Variants in MANEAL observed in about 807,000 individuals in gnomAD.
The protein encoded by MANEAL is glycoprotein endo-alpha-1,2-mannosidase-like protein.
In MANEAL, 28 loss-of-function variants were observed where a neutral mutation model predicts 35.9. The observed-to-expected ratio is 0.78, with a 90% CI of 0.58 to 1.07. MANEAL has a LOEUF of 1.07. MANEAL is among the 50% of genes least tolerant of loss of function. The pLI is 0.00. For synonymous variants in MANEAL, 286 were observed against 272.2 expected (o/e 1.05, Z -0.50); for missense variants, 576 against 629.6 (o/e 0.91, Z 0.91).
chr1:37,796,636 C>T (rs900980577), intron 2 of MANEAL, 108 bp from the exon 3 acceptor site: 6 of 1,070,428 alleles, frequency 5.6e-6, no homozygotes, highest in South Asian at 4.5e-5. Flanking sequence ...CTGCCAGGCC[C>T]TCTTCTGAAC....
Position 37,794,357 on chromosome 1 carries a change from G to A in MANEAL, c.175G>A (p.Ala59Thr), listed in dbSNP as rs1646624526. 14 of 1,068,146 alleles carry A rather than the reference G, an allele frequency of 1.3e-5. No homozygotes were observed. Among genetic ancestry groups the A allele is most frequent in the Non-Finnish European group, 1.6e-5 (14 of 883,680 alleles). The allele number at this position is 1,068,146 out of a possible 1,614,324, so 66.2% of individuals were successfully genotyped here. ...RRPEGAPAPA[A>T]RAPAAPAAPP... is the part of the protein sequence containing the mutation. ...CCCAGAGGGGGCCCCCGCGCCCGCT[G>A]CCAGGGCCCCGGCAGCCCCTGCCGC... The change falls in exon 1 of 4, where the codon GCC becomes ACC. Residue 59 changes from alanine (A) to threonine (T), a missense_variant. Physicochemically the swap from Ala to Thr is moderately conservative, Grantham distance 58. Coordinates refer to ENST00000373045, the MANE Select transcript of MANEAL (RefSeq NM_001113482.2). The surrounding 1 kb of genome is among the most constrained non-coding windows in gnomAD (Gnocchi z 5.7).
Position 37,796,764 on chromosome 1 carries a change from C to G in MANEAL, c.681C>G (p.Pro227=). 6.2e-7 allele frequency: 1 copy of G among 1,603,240 alleles called. No homozygotes were observed. The highest frequency in any genetic ancestry group is 8.5e-7 in the Non-Finnish European group (1 of 1,175,194). The change falls in exon 3 of 4, where the codon CCC becomes CCG. Residue 227 remains proline, a synonymous_variant. Coordinates refer to ENST00000373045, the MANE Select transcript of MANEAL (RefSeq NM_001113482.2). The part of the protein sequence containing the change: ...YSIQVAFHIQ[P]YKGRDDITVH... ...GGCAGGTGGCCTTCCACATCCAACC[C>G]TACAAGGGCCGGGATGACATCACTG... is the stretch of plus-strand genomic sequence containing the variant.
rs1414490641 is a variant in MANEAL at position 37,794,622 on chromosome 1, G to GC, written c.446dup (p.Asp150ArgfsTer48). On this transcript the variant is annotated frameshift_variant, in exon 1 of 4. Coordinates refer to ENST00000373045, the MANE Select transcript of MANEAL (RefSeq NM_001113482.2). LOFTEE classifies it high-confidence loss of function. The surrounding 1 kb of genome is among the most constrained non-coding windows in gnomAD (Gnocchi z 5.7). ...GCCAGCTACCCCCGCGGCCGCCACA[G>GC]CCCCCCAGACGACTTGGGCTCCAGC... 2.5e-6 allele frequency: 4 copies of GC among 1,610,976 alleles called. No homozygotes were observed. The highest frequency in any genetic ancestry group is 1.3e-5 in the African/African-American group (1 of 74,870).
Position 37,799,722 on chromosome 1 carries a change from A to G in MANEAL, c.893A>G (p.Asp298Gly), listed in dbSNP as rs755894457. 4.3e-6 allele frequency: 7 copies of G among 1,614,172 alleles called. No individual in the cohort carries two copies. The highest frequency in any genetic ancestry group is 5.9e-6 in the Non-Finnish European group (7 of 1,180,036). Residue 298 changes from aspartate to glycine, a missense_variant, in exon 4 of 4, where the codon GAT becomes GGT. Transcript: ENST00000373045. The surrounding 1 kb of genome is among the most constrained non-coding windows in gnomAD (Gnocchi z 4.1). ...GPHSIRNTPY[D>G]GVFIALLVEE... ...CATTCGATCCGCAACACGCCCTACG[A>G]TGGGGTCTTCATAGCGCTGCTGGTG...
intron 3 of MANEAL, among the ~76,000 whole-genome samples, chr1:37,798,619 G>T (rs896963043): frequency 3.9e-5 from 6 of 152,044 alleles, no homozygotes; most frequent in African/African-American, 7.3e-5. Flanking sequence ...TATTGTCCCA[G>T]CTATTTGGGG....
Position 37,794,216 on chromosome 1 carries a change from C to T in MANEAL, c.34C>T (p.Leu12=), listed in dbSNP as rs1248706977. 3 of 1,316,678 alleles carry T rather than the reference C, an allele frequency of 2.3e-6. No individual in the cohort carries two copies. The highest frequency in any genetic ancestry group is 4.0e-5 in the East Asian group (1 of 24,826). 81.6% of individuals were successfully genotyped at this position (1,316,678 alleles called of 1,614,324 possible). A position where few individuals can be genotyped will look rare whatever the true frequency, so the allele number is the denominator to read the frequency against. ...GCGGCGGCGCCGCGCCTGCATCGCTCTGTTCCTGGTGCTGCTCTTCGCCTT... is the reference window on the plus strand; with the variant it reads ...GCGGCGGCGCCGCGCCTGCATCGCTTTGTTCCTGGTGCTGCTCTTCGCCTT... ...ARRRRRACIA[L]FLVLLFAFGT... The change falls in exon 1 of 4, where the codon CTG becomes TTG. Residue 12 remains leucine, a synonymous_variant. Coordinates refer to ENST00000373045, the MANE Select transcript of MANEAL (RefSeq NM_001113482.2). The surrounding 1 kb of genome is among the most constrained non-coding windows in gnomAD (Gnocchi z 5.7).
Position 37,794,437 on chromosome 1 carries a change from G to A in MANEAL, c.255G>A (p.Gly85=). The A allele has an allele frequency of 1.3e-6, 2 of 1,513,298 alleles. No homozygotes were observed. The highest frequency in any genetic ancestry group is 1.8e-6 in the Non-Finnish European group (2 of 1,127,296). The allele number at this position is 1,513,298 out of a possible 1,614,324, so 93.7% of individuals were successfully genotyped here. A position where few individuals can be genotyped will look rare whatever the true frequency, so the allele number is the denominator to read the frequency against. ...CCGCGGACCCTGGCGGCTCCCCTGG[G>A]CCGGCACCCGCGGAGGCCGAGCCCG... ...PRTADPGGSP[G]PAPAEAEPAP... is the part of the protein sequence containing the mutation. Residue 85 remains glycine (G), a synonymous_variant, in exon 1 of 4, where the codon GGG becomes GGA. Coordinates refer to ENST00000373045, the MANE Select transcript of MANEAL (RefSeq NM_001113482.2). This position sits in a 1 kb window ranked among gnomAD's most constrained non-coding sequence, Gnocchi z 5.7.
Position 37,794,696 on chromosome 1 carries a change from C to A in MANEAL, c.514C>A (p.Arg172=), listed in dbSNP as rs756256610. ...CAGCTCCCGGGACCCCGAAGTGCTG[C>A]GGGAGCATATGACCCAGCTCAAGGA... is the stretch of plus-strand genomic sequence containing the variant. The part of the protein sequence containing the change: ...PYSSRDPEVL[R]EHMTQLKEAA... Residue 172 remains arginine, a synonymous_variant, in exon 1 of 4, where the codon CGG becomes AGG. Transcript: ENST00000373045. This position sits in a 1 kb window ranked among gnomAD's most constrained non-coding sequence, Gnocchi z 5.7. 2.5e-6 allele frequency: 4 copies of A among 1,603,966 alleles called. No homozygotes were observed. The highest frequency in any genetic ancestry group is 1.3e-5 in the African/African-American group (1 of 74,700).
rs1486726181 is a variant in MANEAL, at chr1:37,801,118, G to C, written c.*915G>C. On this transcript the variant is annotated 3_prime_UTR_variant, in exon 4 of 4. Transcript: ENST00000373045. ...ACTGTGATTAGTAGTAATTAAATAT[G>C]AACTGGTATTCTCAAGTAAGCATTC... is the stretch of plus-strand genomic sequence containing the variant. 2 of 152,656 alleles carry C rather than the reference G, an allele frequency of 1.3e-5. No homozygotes were observed. The highest frequency in any genetic ancestry group is 1.9e-4 in the East Asian group (1 of 5,202). 9.5% of individuals were successfully genotyped at this position (152,656 alleles called of 1,614,324 possible). A position where few individuals can be genotyped will look rare whatever the true frequency, so the allele number is the denominator to read the frequency against.
At position 37,800,147 on chromosome 1, in the gene MANEAL, C is replaced by A. The variant is rs1361182434; in HGVS notation, c.1318C>A (p.Leu440Met). 6.2e-7 allele frequency: 1 copy of A among 1,613,956 alleles called. No homozygotes were observed. Among genetic ancestry groups the A allele is most frequent in the Admixed American group, 1.7e-5 (1 of 60,030 alleles). Residue 440 changes from leucine to methionine, a missense_variant, in exon 4 of 4, where the codon CTG (leucine) becomes ATG (methionine). Coordinates refer to ENST00000373045, the MANE Select transcript of MANEAL (RefSeq NM_001113482.2). ...TCACCAGCCCAGCCTGTACCTGGAG[C>A]TGACACGCCGCTGGGCGGAGCACTT... Reference protein sequence around the residue: ...LPHQPSLYLELTRRWAEHFIK... With the variant: ...LPHQPSLYLEMTRRWAEHFIK...
rs538733040 is a variant in MANEAL at position 37,801,038 on chromosome 1, C to T, written c.*835C>T. ...GAGAGGACTAGGAGGAAATCCCCCT[C>T]CCTTTAGCTGCCTGAACTGACTGAG... On this transcript the variant is annotated 3_prime_UTR_variant, in exon 4 of 4. Coordinates refer to ENST00000373045, the MANE Select transcript of MANEAL (RefSeq NM_001113482.2). 6.8e-6 allele frequency: 1 copy of T among 147,808 alleles called. No homozygotes were observed. Among genetic ancestry groups the T allele is most frequent in the East Asian group, 2.0e-4 (1 of 5,022 alleles). The allele number at this position is 147,808 out of a possible 1,614,324, so 9.2% of individuals were successfully genotyped here.
chr1:37,798,791 C>T (rs979584720), intron 3 of MANEAL, among the ~76,000 whole-genome samples: 1 of 152,048 alleles, frequency 6.6e-6, no homozygotes, highest in African/African-American at 2.4e-5. Context: ...GTAATCCCAG[C>T]ACTTTGAGAG....
chr1:37,799,706 C>A lies in MANEAL; in HGVS notation c.877C>A (p.Arg293Ser). ...LLTPNGPHSIRNTPYDGVFIA... is the reference protein window; with the variant it reads ...LLTPNGPHSISNTPYDGVFIA... ...GACACCAAACGGGCCCCATTCGATC[C>A]GCAACACGCCCTACGATGGGGTCTT... Residue 293 changes from arginine to serine, a missense_variant, in exon 4 of 4, where the codon CGC becomes AGC. This residue lies in a region of MANEAL where 449 missense variants were observed against 516.1 expected (regional missense o/e 0.87). Coordinates refer to ENST00000373045, the MANE Select transcript of MANEAL (RefSeq NM_001113482.2). This position sits in a 1 kb window ranked among gnomAD's most constrained non-coding sequence, Gnocchi z 4.1. 1 of 1,614,216 alleles carries A rather than the reference C, an allele frequency of 6.2e-7. No individual in the cohort carries two copies. The highest frequency in any genetic ancestry group is 8.5e-7 in the Non-Finnish European group (1 of 1,180,044).
rs1569817170 is a variant in MANEAL at position 37,800,528 on chromosome 1, G to A, written c.*325G>A. On this transcript the variant is annotated 3_prime_UTR_variant, in exon 4 of 4. Coordinates refer to ENST00000373045, the MANE Select transcript of MANEAL (RefSeq NM_001113482.2). Reference sequence around the variant, plus strand: ...CTGCAGCAGGCTGGTGCTGTGTAGTGGCCACCCAGTCACCACCCTTGGAAG... The same window carrying A: ...CTGCAGCAGGCTGGTGCTGTGTAGTAGCCACCCAGTCACCACCCTTGGAAG... 4.2e-5 allele frequency: 15 copies of A among 357,546 alleles called. No homozygotes were observed. In the South Asian group the frequency reaches 4.8e-4, roughly 11 times the overall value. 22.1% of individuals were successfully genotyped at this position (357,546 alleles called of 1,614,324 possible).
Position 37,800,265 on chromosome 1 carries a change from G to A in MANEAL, c.*62G>A, listed in dbSNP as rs1646687190. On this transcript the variant is annotated 3_prime_UTR_variant, in exon 4 of 4. Coordinates refer to ENST00000373045, the MANE Select transcript of MANEAL (RefSeq NM_001113482.2). ...GCCTTGCTGGAAGATGTCACCATGT[G>A]GGGTTCAGCTGAGGTTGTAGCCACT... The A allele has an allele frequency of 7.6e-6, 12 of 1,574,938 alleles. No individual in the cohort carries two copies. The highest frequency in any genetic ancestry group is 9.5e-6 in the Non-Finnish European group (11 of 1,163,298).
chr1:37,794,216 C>G lies in MANEAL; in HGVS notation c.34C>G (p.Leu12Val), dbSNP rs1248706977. The G allele has an allele frequency of 1.5e-6, 2 of 1,316,786 alleles. No homozygotes were observed. Among genetic ancestry groups the G allele is most frequent in the Non-Finnish European group, 9.8e-7 (1 of 1,015,330 alleles). 81.6% of individuals were successfully genotyped at this position (1,316,786 alleles called of 1,614,324 possible). Residue 12 changes from leucine (L) to valine (V), a missense_variant, in exon 1 of 4, where the codon CTG (leucine) becomes GTG (valine). Around this residue, in one of 3 missense-constraint regions of MANEAL, gnomAD observed 122 missense variants for 97.2 expected, o/e 1.26. Transcript: ENST00000373045. The surrounding 1 kb of genome is among the most constrained non-coding windows in gnomAD (Gnocchi z 5.7). ...GCGGCGGCGCCGCGCCTGCATCGCT[C>G]TGTTCCTGGTGCTGCTCTTCGCCTT... ...ARRRRRACIA[L>V]FLVLLFAFGT...
chr1:37,798,566 C>T (rs1290907339), intron 3 of MANEAL, among the ~76,000 whole-genome samples: 1 of 151,644 alleles, frequency 6.6e-6, no homozygotes, highest in Non-Finnish European at 1.5e-5. Flanking sequence ...TCTATCTCTA[C>T]AAATTTTTTT....
At chr1:37,795,490 T>C (rs1468497846) in intron 1 of MANEAL, 2 of 1,334,106 alleles carry the variant, frequency 1.5e-6, no homozygotes, top group Non-Finnish European at 1.9e-6. Context: ...GCTGAGGCAG[T>C]CTAAAGCCTG....
chr1:37,797,400 C>T (rs1362609847), intron 3 of MANEAL, among the ~76,000 whole-genome samples: 2 of 150,450 alleles, frequency 1.3e-5, no homozygotes, highest in African/African-American at 4.9e-5. Context: ...GATTCCATCT[C>T]AAAAATAAAT....
Sources: allele counts gnomAD v4.1 joint callset (sites outside exome capture counted in the v4.1 genomes callset), GRCh38; gene constraint gnomAD v4.1.1; regional missense constraint gnomAD v4.1.1; non-coding constraint Gnocchi (gnomAD v3.1); transcripts MANE v1.5; gene names NCBI Gene and HGNC (gene_info 2026-07-23, HGNC 2026-07-21).